MICAL3: variants seen among roughly 807,000 people sequenced by gnomAD.
MICAL3 encodes [F-actin]-monooxygenase MICAL3.
In MICAL3, 62 loss-of-function variants were observed where a neutral mutation model predicts 207.4. That is an observed-to-expected ratio of 0.30 (90% CI 0.24 to 0.37). MICAL3 has a LOEUF of 0.37. Ranked by LOEUF, MICAL3 falls within the 10% of genes least tolerant of loss-of-function variation. MICAL3 has a pLI of 1.00. For synonymous variants in MICAL3, 1,077 were observed against 1,069.3 expected (o/e 1.01, Z -0.14); for missense variants, 2,368 against 2,635.6 (o/e 0.90, Z 2.22).
intron 1 of MICAL3, among the ~76,000 whole-genome samples, chr22:17,992,433 G>A (rs1466497706): frequency 2.0e-5 from 3 of 152,170 alleles, no homozygotes; most frequent in Admixed American, 1.3e-4. Flanking sequence ...GGGCTTCCTG[G>A]CCAGTTAAAT....
intron 1 of MICAL3, among the ~76,000 whole-genome samples, chr22:17,950,815 G>A (rs553265859): frequency 3.3e-5 from 5 of 152,184 alleles, no homozygotes; most frequent in African/African-American, 4.8e-5. Context: ...GATGTCTTGC[G>A]GAGGGCAGAC....
intron 1 of MICAL3, among the ~76,000 whole-genome samples, chr22:17,967,486 A>ACC (rs60259078): frequency 0.062 from 8,992 of 145,686 alleles, 511 homozygotes; most frequent in African/African-American, 0.16. Flanking sequence ...ACACACACAC[A>ACC]CACACACCCA....
intron 1 of MICAL3, among the ~76,000 whole-genome samples, chr22:18,018,766 AT>A (rs398061819): frequency 0.035 from 5,212 of 150,518 alleles, 198 homozygotes; most frequent in African/African-American, 0.086. Flanking sequence ...CTATCTATCT[AT>A]CTACACACAC....
intron 1 of MICAL3, among the ~76,000 whole-genome samples, chr22:17,913,905 C>T (rs772387477): frequency 5.3e-5 from 8 of 152,242 alleles, no homozygotes; most frequent in Non-Finnish European, 7.4e-5. Context: ...CGTCAACTCA[C>T]GTTCAAAGTA....
intron 1 of MICAL3, among the ~76,000 whole-genome samples, chr22:17,962,698 T>TGAGCTTA (rs60372556): frequency 0.2 from 30,301 of 151,918 alleles, 3,168 homozygotes; most frequent in Middle Eastern, 0.27. Context: ...GAATAAGCAA[T>TGAGCTTA]TTCCAAGGAC....
chr22:17,884,288 G>C (rs183932408), intron 16 of MICAL3: 2 of 1,589,104 alleles, frequency 1.3e-6, no homozygotes, highest in Non-Finnish European at 1.7e-6. Context: ...TTTCCACCGG[G>C]GGGTGGGGGC....
chr22:17,903,111 T>C (rs867155350), intron 3 of MICAL3, among the ~76,000 whole-genome samples: 5 of 152,364 alleles, frequency 3.3e-5, no homozygotes, highest in Middle Eastern at 3.4e-3. Flanking sequence ...AGGAGGCAGA[T>C]GTGCACCCAC....
At chr22:17,892,913 T>C (rs1002673239) in intron 11 of MICAL3, among the ~76,000 whole-genome samples, 10 of 152,118 alleles carry the variant, frequency 6.6e-5, no homozygotes, top group African/African-American at 2.2e-4. Flanking sequence ...AGGTGATCAA[T>C]TGCCCCTGCC....
chr22:17,850,246 A>AG (rs549955452), intron 19 of MICAL3, among the ~76,000 whole-genome samples: 5 of 151,998 alleles, frequency 3.3e-5, no homozygotes, highest in Non-Finnish European at 5.9e-5. Context: ...CCCAAATGGG[A>AG]GGGGGGCCAC....
chr22:17,842,908 TCAG>T (rs1444502488), intron 19 of MICAL3, among the ~76,000 whole-genome samples: 10 of 152,022 alleles, frequency 6.6e-5, no homozygotes, highest in African/African-American at 2.4e-4. Context: ...GATCACGAGG[TCAG>T]CAGATCAAGG....
intron 17 of MICAL3, among the ~76,000 whole-genome samples, chr22:17,866,965 C>T (rs1927225993): frequency 6.6e-6 from 1 of 152,184 alleles, no homozygotes; most frequent in Non-Finnish European, 1.5e-5. Flanking sequence ...AGAAGTAATC[C>T]CATTTCATTT....
intron 1 of MICAL3, among the ~76,000 whole-genome samples, chr22:17,996,723 G>T (rs563016915): frequency 6.6e-6 from 1 of 152,156 alleles, no homozygotes; most frequent in Non-Finnish European, 1.5e-5. Context: ...GCTGGAGAGA[G>T]GGGGAAGTCC....
Position 17,896,953 on chromosome 22 carries a change from G to C in MICAL3, c.977C>G (p.Ser326Cys), listed in dbSNP as rs1930896366. ...HDYADTELLL[S>C]RENVDQEALL... ...AGCCTCCTGGTCCACGTTTTCTCGG[G>C]AAAGCAGGAGCTCTGTGTCGGCGTA... Residue 326 changes from serine (S) to cysteine (C), a missense_variant, in exon 8 of 32, where the codon TCC becomes TGC. Transcript: ENST00000441493. 1 of 1,613,630 alleles carries C rather than the reference G, an allele frequency of 6.2e-7. No homozygotes were observed. The highest frequency in any genetic ancestry group is 8.5e-7 in the Non-Finnish European group (1 of 1,179,832).
intron 1 of MICAL3, among the ~76,000 whole-genome samples, chr22:17,940,702 A>G (rs540962156): frequency 6.6e-6 from 1 of 152,300 alleles, no homozygotes; most frequent in African/African-American, 2.4e-5. Context: ...GAGGATCAGA[A>G]AGGGAAACCA....
At chr22:17,886,988 C>CAAAAAAAAAAAAAAAAAAAAAAA (rs55999508) in intron 15 of MICAL3, among the ~76,000 whole-genome samples, 182 bp downstream of exon 15, 16 of 41,350 alleles carry the variant, frequency 3.9e-4, no homozygotes, top group Non-Finnish European at 4.7e-4. Flanking sequence ...ACTCTTGTCT[C>CAAAAAAAAAAAAAAAAAAAAAAA]AAAAAAAAAA....
At chr22:17,821,816 A>G (rs1921680717) in intron 24 of MICAL3, among the ~76,000 whole-genome samples, 2 of 152,172 alleles carry the variant, frequency 1.3e-5, no homozygotes, top group Non-Finnish European at 2.9e-5. Flanking sequence ...GACCCAAACT[A>G]TGCAAGGAAA....
chr22:17,970,694 C>T (rs1569151966), intron 1 of MICAL3, among the ~76,000 whole-genome samples: 1 of 152,158 alleles, frequency 6.6e-6, no homozygotes, highest in African/African-American at 2.4e-5. Flanking sequence ...TAAACAGGTC[C>T]TTGAATTGGG....
At chr22:17,996,723 G>A (rs563016915) in intron 1 of MICAL3, among the ~76,000 whole-genome samples, 10 of 152,156 alleles carry the variant, frequency 6.6e-5, no homozygotes, top group Non-Finnish European at 1.3e-4. Context: ...GCTGGAGAGA[G>A]GGGGAAGTCC....
intron 1 of MICAL3, among the ~76,000 whole-genome samples, chr22:17,964,278 C>T (rs1467335274): frequency 6.6e-6 from 1 of 152,198 alleles, no homozygotes; most frequent in Non-Finnish European, 1.5e-5. Context: ...TCCACAGCAC[C>T]AGGCTCTTCC....
Sources: allele counts gnomAD v4.1 joint callset (sites outside exome capture counted in the v4.1 genomes callset), GRCh38; gene constraint gnomAD v4.1.1; transcripts MANE v1.5; gene names NCBI Gene and HGNC (gene_info 2026-07-23, HGNC 2026-07-21).